ANKRD55: variants seen among roughly 807,000 people sequenced by gnomAD.
ANKRD55 encodes the protein ankyrin repeat domain-containing protein 55.
In ANKRD55, 41 loss-of-function variants were observed where a neutral mutation model predicts 60.6. The observed-to-expected ratio is 0.68, with a 90% confidence interval of 0.53 to 0.88. ANKRD55 has a LOEUF of 0.88. Ranked by LOEUF, ANKRD55 falls within the 40% of genes least tolerant of loss-of-function variation. The probability of loss-of-function intolerance (pLI) is 0.00; values close to 1 mark genes in which losing one functional copy is unlikely to be tolerated. For synonymous variants in ANKRD55, 264 were observed against 290.3 expected (o/e 0.91, Z 0.92); for missense variants, 732 against 767.6 (o/e 0.95, Z 0.55).
At chr5:56,188,674 A>G (rs1759027333) in intron 2 of ANKRD55, among the ~76,000 whole-genome samples, 1 of 152,222 alleles carries the variant, frequency 6.6e-6, no homozygotes, top group South Asian at 2.1e-4. Flanking sequence ...CCATTGGTCT[A>G]CGTGGCTGTT....
intron 5 of ANKRD55, among the ~76,000 whole-genome samples, chr5:56,166,149 T>TTCCTTCCTTCCTTCCTTC (rs1758464300): frequency 1.6e-5 from 1 of 63,106 alleles, no homozygotes; most frequent in Non-Finnish European, 2.8e-5. Context: ...TTTCTTTCTT[T>TTCCTTCCTTCCTTCCTTC]CTTTCTTCTT....
At chr5:56,173,267 G>C (rs1342656051) in intron 4 of ANKRD55, among the ~76,000 whole-genome samples, 2 of 151,970 alleles carry the variant, frequency 1.3e-5, no homozygotes, top group African/African-American at 2.4e-5. Flanking sequence ...GCACGATCTC[G>C]GCTCACTGCA....
At position 56,143,770 on chromosome 5, in the gene ANKRD55, C is replaced by A. The variant is rs1203534039; in HGVS notation, c.612+31G>T. 1.9e-6 allele frequency: 3 copies of A among 1,613,710 alleles called. No homozygotes were observed. In the African/African-American group the frequency reaches 4.0e-5, roughly 22 times the overall value. On this transcript the variant is annotated intron_variant, in intron 7 of 11. Coordinates refer to ENST00000341048, the MANE Select transcript of ANKRD55 (RefSeq NM_024669.3). ...TTAACACTGCTTTCCACCATTTAAA[C>A]CTGAGACCAGTCCACAGGTCAATTT...
rs1012973649 is a variant in ANKRD55 at position 56,146,258 on chromosome 5, C to T, written c.484-2329G>A. 2.8e-4 allele frequency among the ~76,000 whole-genome samples: 43 copies of T among 151,796 alleles called. 2 individuals carry two copies. In the South Asian group the frequency reaches 3.7e-3, roughly 13 times the overall value. On this transcript the variant is annotated intron_variant, in intron 6 of 11. Transcript: ENST00000341048. ...TAGATGCTGAGTAAACACTTATTAA[C>T]GGAACGAATGACTTACTATGCTCCA... is the stretch of plus-strand genomic sequence containing the variant.
intron 6 of ANKRD55, among the ~76,000 whole-genome samples, chr5:56,151,424 C>T (rs538171843): frequency 6.6e-6 from 1 of 152,016 alleles, no homozygotes; most frequent in South Asian, 2.1e-4. Context: ...GCTGAGTCAA[C>T]AAAACAAAAG....
chr5:56,142,382 AC>A (rs1561267556), intron 7 of ANKRD55, among the ~76,000 whole-genome samples: 2 of 151,862 alleles, frequency 1.3e-5, no homozygotes, highest in African/African-American at 2.4e-5. Flanking sequence ...CAGCGATTCC[AC>A]CCTGTGAGGG....
At chr5:56,191,870 T>C (rs1759101790) in intron 2 of ANKRD55, among the ~76,000 whole-genome samples, 1 of 152,206 alleles carries the variant, frequency 6.6e-6, no homozygotes, top group Admixed American at 6.5e-5. Context: ...CCAATCTAAG[T>C]TGCGGTCAAT....
At chr5:56,201,121 T>C (rs937585388) in intron 2 of ANKRD55, among the ~76,000 whole-genome samples, 1 of 152,220 alleles carries the variant, frequency 6.6e-6, no homozygotes, top group Admixed American at 6.5e-5. Flanking sequence ...ATCACTTCAA[T>C]GAACAGTTTC....
At chr5:56,173,541 CCTCTCT>C (rs71578616) in intron 4 of ANKRD55, among the ~76,000 whole-genome samples, 2,195 of 61,302 alleles carry the variant, frequency 0.036, 60 homozygotes, top group East Asian at 0.13. Flanking sequence ...TAGAGATTCG[CCTCTCT>C]CTCTCTCTCT....
intron 2 of ANKRD55, among the ~76,000 whole-genome samples, chr5:56,222,036 T>C (rs1160542431): frequency 6.6e-6 from 1 of 152,076 alleles, no homozygotes; most frequent in East Asian, 1.9e-4. Context: ...TGAGAACAGA[T>C]AGACTGCCTC....
chr5:56,186,977 A>T (rs1163544681), intron 2 of ANKRD55, among the ~76,000 whole-genome samples: 1 of 152,262 alleles, frequency 6.6e-6, no homozygotes, highest in Admixed American at 6.5e-5. Context: ...TATAACAGAC[A>T]TAAATGTATT....
At chr5:56,178,387 G>A (rs1758783176) in intron 3 of ANKRD55, among the ~76,000 whole-genome samples, 1 of 151,530 alleles carries the variant, frequency 6.6e-6, no homozygotes, top group Non-Finnish European at 1.5e-5. Flanking sequence ...TAATTTTCCT[G>A]AGGTGTCTCT....
intron 7 of ANKRD55, among the ~76,000 whole-genome samples, chr5:56,130,138 T>C (rs1205966016): frequency 1.3e-5 from 2 of 152,190 alleles, no homozygotes; most frequent in Non-Finnish European, 2.9e-5. Flanking sequence ...TGGGGCTGCC[T>C]CTTCTGGAGA....
chr5:56,140,207 C>T (rs143705022), intron 7 of ANKRD55, among the ~76,000 whole-genome samples: 1 of 152,280 alleles, frequency 6.6e-6, no homozygotes, highest in African/African-American at 2.4e-5. Flanking sequence ...AAAATGAGCA[C>T]AATGCTAGCC....
chr5:56,194,602 T>G (rs929571456), intron 2 of ANKRD55, among the ~76,000 whole-genome samples: 4 of 152,162 alleles, frequency 2.6e-5, no homozygotes, highest in African/African-American at 9.7e-5. Flanking sequence ...TTCTAATTAG[T>G]AATCCTTTAC....
intron 5 of ANKRD55, among the ~76,000 whole-genome samples, chr5:56,170,316 T>C (rs1285450282): frequency 6.6e-6 from 1 of 152,232 alleles, no homozygotes; most frequent in African/African-American, 2.4e-5. Flanking sequence ...CTCTGTGACA[T>C]CAGAGACTCT....
Position 56,183,583 on chromosome 5 carries a change from T to A in ANKRD55, c.110A>T (p.Asn37Ile), listed in dbSNP as rs747576861. 6.2e-7 allele frequency: 1 copy of A among 1,614,088 alleles called. No individual in the cohort carries two copies. Among genetic ancestry groups the A allele is most frequent in the African/African-American group, 1.3e-5 (1 of 74,934 alleles). The change falls in exon 3 of 12, where the codon AAT becomes ATT. Residue 37 changes from asparagine (N) to isoleucine (I), a missense_variant. Physicochemically the swap from Asn to Ile is moderately radical, Grantham distance 149 (BLOSUM62 -3). Transcript: ENST00000341048. ...TGCAGTCAGAGCATTGACATCTCCA[T>A]TAGAGGCTGCTTGATAAACCATGGT... ...DLTMVYQAASNGDVNALTAVI... is the reference protein window; with the variant it reads ...DLTMVYQAASIGDVNALTAVI...
chr5:56,175,174 G>A (rs1450086113), intron 4 of ANKRD55, among the ~76,000 whole-genome samples: 3 of 152,206 alleles, frequency 2.0e-5, no homozygotes, highest in African/African-American at 7.2e-5. Flanking sequence ...TGTGAGACTT[G>A]GGCAATGCTT....
chr5:56,107,553 G>A (rs1756521763), intron 10 of ANKRD55, among the ~76,000 whole-genome samples: 1 of 152,094 alleles, frequency 6.6e-6, no homozygotes. Flanking sequence ...AATTTTGGAG[G>A]GATAGCAACG....
Sources: allele counts gnomAD v4.1 joint callset (sites outside exome capture counted in the v4.1 genomes callset), GRCh38; gene constraint gnomAD v4.1.1; transcripts MANE v1.5; gene names NCBI Gene and HGNC (gene_info 2026-07-23, HGNC 2026-07-21).